The following ANXA4 variants were observed in gnomAD, a reference collection of about 807,000 sequenced individuals.
ANXA4 encodes the protein 35-beta calcimedin.
In ANXA4, 39 loss-of-function variants were observed where a neutral mutation model predicts 49.8. That is an observed-to-expected ratio of 0.78 (90% CI 0.61 to 1.02). ANXA4 has a LOEUF of 1.02. Ranked by LOEUF, ANXA4 falls within the 50% of genes least tolerant of loss-of-function variation. The probability of loss-of-function intolerance (pLI) is 0.00; values close to 1 mark genes in which losing one functional copy is unlikely to be tolerated. For synonymous variants in ANXA4, 134 were observed against 152.5 expected (o/e 0.88, Z 0.89); for missense variants, 360 against 410.1 (o/e 0.88, Z 1.05).
Position 69,656,275 on chromosome 2 carries a change from ACG to A in ANXA4, n.766+2994_766+2995del, listed in dbSNP as rs1453310298. 8.1e-5 allele frequency among the ~76,000 whole-genome samples: 11 copies of A among 136,438 alleles called. No homozygotes were observed. The East Asian group carries it at 2.8e-3, about 34-fold the overall frequency. The allele number at this position is 136,438 out of a possible 152,430, so 89.5% of individuals were successfully genotyped here. On this transcript the variant is annotated intron_variant and non_coding_transcript_variant, in intron 2 of 3. Transcript: ENST00000418066. ...TGTATATACGTATATATATGTATAT[ACG>A]TATATATATACATATATGTATATAT...
intron 2 of ANXA4, among the ~76,000 whole-genome samples, chr2:69,699,915 T>G (rs1678274987): frequency 6.6e-6 from 1 of 152,102 alleles, no homozygotes; most frequent in Non-Finnish European, 1.5e-5. Context: ...TCCAGGGAAT[T>G]TAGTCGCCCC....
intron 1 of ANXA4, among the ~76,000 whole-genome samples, chr2:69,645,427 G>C (rs1197816434): frequency 6.6e-5 from 10 of 152,200 alleles, no homozygotes. Context: ...GAGGAAGTTT[G>C]AAGCAGATCT....
At position 69,771,095 on chromosome 2, in the gene ANXA4, A is replaced by G. The variant is rs77637225; in HGVS notation, c.-46-10425A>G. Among the ~76,000 whole-genome samples the G allele has an allele frequency of 1.3e-4, 15 of 119,866 alleles. 1 individual carries two copies. Among genetic ancestry groups the G allele is most frequent in the Non-Finnish European group, 2.1e-4 (13 of 61,988 alleles). The allele number at this position is 119,866 out of a possible 152,430, so 78.6% of individuals were successfully genotyped here. A position where few individuals can be genotyped will look rare whatever the true frequency, so the allele number is the denominator to read the frequency against. On this transcript the variant is annotated intron_variant, in intron 1 of 12. Coordinates refer to ENST00000394295, the MANE Select transcript of ANXA4 (RefSeq NM_001153.5). ...GGCAACAGGGCAAGACCCTGTCTCC[A>G]AAAAAAAAAAAAAGAAAAAAAAAAA...
chr2:69,652,323 G>C (rs1676283122), intron 1 of ANXA4, among the ~76,000 whole-genome samples: 1 of 152,180 alleles, frequency 6.6e-6, no homozygotes, highest in African/African-American at 2.4e-5. Context: ...CATCTTGAGT[G>C]CTGTGTTTTC....
chr2:69,770,091 A>G (rs2105553919), intron 1 of ANXA4, among the ~76,000 whole-genome samples: 1 of 152,298 alleles, frequency 6.6e-6, no homozygotes, highest in Non-Finnish European at 1.5e-5. Context: ...CTAGGCTGGA[A>G]TCGATTCTTA....
intron 1 of ANXA4, among the ~76,000 whole-genome samples, chr2:69,768,456 G>A (rs1363391888): frequency 2.6e-5 from 4 of 152,160 alleles, no homozygotes; most frequent in Non-Finnish European, 5.9e-5. Context: ...ACAGCAGGAA[G>A]TTCAACCACG....
chr2:69,671,741 C>A (rs1381610242), intron 2 of ANXA4, among the ~76,000 whole-genome samples: 1 of 151,984 alleles, frequency 6.6e-6, no homozygotes, highest in Non-Finnish European at 1.5e-5. Context: ...TATATATATA[C>A]ACACATATGA....
At chr2:69,770,689 A>G in intron 1 of ANXA4, among the ~76,000 whole-genome samples, 1 of 152,158 alleles carries the variant, frequency 6.6e-6, no homozygotes, top group Non-Finnish European at 1.5e-5. Flanking sequence ...GAAAGGGAGG[A>G]TTCCTATTCA....
chr2:69,656,377 GTGTATATATA>G (rs1559046716), intron 2 of ANXA4, among the ~76,000 whole-genome samples: 2 of 100,136 alleles, frequency 2.0e-5, no homozygotes, highest in African/African-American at 4.8e-5. Flanking sequence ...GTGTATATAT[GTGTATATATA>G]TGTGTATATA....
intron 2 of ANXA4, among the ~76,000 whole-genome samples, chr2:69,708,188 G>A (rs757430923): frequency 1.1e-4 from 16 of 152,194 alleles, no homozygotes; most frequent in Non-Finnish European, 2.1e-4. Context: ...CTCTAGGTCT[G>A]AGTAGTGGAG....
intron 3 of ANXA4, among the ~76,000 whole-genome samples, chr2:69,793,056 A>C (rs1045857002): frequency 9.2e-5 from 14 of 151,470 alleles, no homozygotes; most frequent in Admixed American, 8.5e-4. Context: ...GATCGAGACC[A>C]TCCTGGCCAA....
At chr2:69,694,642 C>T (rs890587181) in intron 2 of ANXA4, among the ~76,000 whole-genome samples, 78 of 149,384 alleles carry the variant, frequency 5.2e-4, no homozygotes, top group African/African-American at 1.9e-3. Context: ...TTTGTCCTTG[C>T]GATAGTTTGC....
At chr2:69,791,298 A>G (rs1672681178) in intron 3 of ANXA4, among the ~76,000 whole-genome samples, 2 of 152,362 alleles carry the variant, frequency 1.3e-5, no homozygotes, top group South Asian at 4.1e-4. Flanking sequence ...CAGCAAGTTA[A>G]GCTTGATTCC....
At chr2:69,649,436 C>A (rs913241874) in intron 1 of ANXA4, among the ~76,000 whole-genome samples, 1 of 150,554 alleles carries the variant, frequency 6.6e-6, no homozygotes, top group Non-Finnish European at 1.5e-5. Context: ...TTATTTTTTT[C>A]ATTCCATAGT....
intron 3 of ANXA4, 79 bp from the exon 4 acceptor site, chr2:69,804,454 C>A: frequency 7.6e-7 from 1 of 1,318,380 alleles, no homozygotes; most frequent in Non-Finnish European, 1.1e-6. Flanking sequence ...GTTTGGGTAA[C>A]TCCAATGTCC....
intron 2 of ANXA4, among the ~76,000 whole-genome samples, chr2:69,715,131 C>T (rs543830680): frequency 6.6e-6 from 1 of 152,310 alleles, no homozygotes; most frequent in East Asian, 1.9e-4. Flanking sequence ...ATATTTGAGC[C>T]CTGCTCTTAT....
intron 1 of ANXA4, among the ~76,000 whole-genome samples, chr2:69,751,566 G>A (rs886560114): frequency 2.0e-5 from 3 of 151,920 alleles, no homozygotes; most frequent in Admixed American, 1.3e-4. Flanking sequence ...GACAGGGCTG[G>A]GAGATTAAGC....
chr2:69,697,158 G>A (rs764570970), intron 2 of ANXA4, among the ~76,000 whole-genome samples: 1 of 152,200 alleles, frequency 6.6e-6, no homozygotes, highest in Non-Finnish European at 1.5e-5. Flanking sequence ...ATTGTTCAGT[G>A]TAGCCACCTT....
intron 1 of ANXA4, among the ~76,000 whole-genome samples, chr2:69,647,333 T>G (rs1197829405): frequency 2.0e-5 from 3 of 152,058 alleles, no homozygotes; most frequent in Admixed American, 2.0e-4. Context: ...ATCTTCCATA[T>G]GCCAGTTATG....
Sources: allele counts gnomAD v4.1 joint callset (sites outside exome capture counted in the v4.1 genomes callset), GRCh38; gene constraint gnomAD v4.1.1; transcripts MANE v1.5; gene names NCBI Gene and HGNC (gene_info 2026-07-23, HGNC 2026-07-21).